VCAN: variants seen among roughly 807,000 people sequenced by gnomAD.
VCAN encodes the protein versican, also known as versican core protein.
A neutral mutation model predicts 245.5 loss-of-function variants in VCAN; 44 were observed. The ratio of observed to expected loss-of-function variants is 0.18; its 90% CI spans 0.14 to 0.23. The LOEUF is 0.23. Among genes scored for constraint, VCAN ranks in the 10% least tolerant of loss-of-function variants. The pLI is 1.00. For missense variants in VCAN, 3,793 were observed against 4,057.9 expected, an observed-to-expected ratio of 0.93 and a Z score of 1.77; for synonymous variants, 1,413 against 1,437.0, an observed-to-expected ratio of 0.98 and a Z score of 0.38.
At chr5:83,516,567 T>C (rs160382) in intron 6 of VCAN, among the ~76,000 whole-genome samples, 112 of 152,350 alleles carry the variant, frequency 7.4e-4, no homozygotes, top group African/African-American at 2.4e-3. Flanking sequence ...AGTACAGTGA[T>C]GTGAAACATC....
At position 83,542,105 on chromosome 5, in the gene VCAN, A is replaced by G; in HGVS notation, c.9102A>G (p.Ala3034=). The change falls in exon 8 of 15, where the codon GCA becomes GCG. Residue 3034 remains alanine (A), a synonymous_variant. Coordinates refer to ENST00000265077, the MANE Select transcript of VCAN (RefSeq NM_004385.5). ...TAGCAGCATCAGAACAGCAAGTGGC[A>G]GCGAGAATTCTTGATTCCAATGATC... The part of the protein sequence containing the change: ...STIAASEQQV[A]ARILDSNDQA... 1 of 1,614,122 alleles carries G rather than the reference A, an allele frequency of 6.2e-7. No individual in the cohort carries two copies. Among genetic ancestry groups the G allele is most frequent in the South Asian group, 1.1e-5 (1 of 91,090 alleles).
chr5:83,486,424 A>C (rs1313880593), intron 2 of VCAN, among the ~76,000 whole-genome samples: 1 of 152,218 alleles, frequency 6.6e-6, no homozygotes, highest in Non-Finnish European at 1.5e-5. Context: ...TTGGATCATG[A>C]AGACATGCTA....
chr5:83,549,738 A>G (rs1452755621), intron 10 of VCAN, among the ~76,000 whole-genome samples: 1 of 152,176 alleles, frequency 6.6e-6, no homozygotes, highest in Admixed American at 6.5e-5. Flanking sequence ...TGTATTTTCA[A>G]GCAAGTTTGA....
rs764898262 is a variant in VCAN at position 83,520,437 on chromosome 5, C to T, written c.2131C>T (p.Pro711Ser). 15 of 1,613,736 alleles carry T rather than the reference C, an allele frequency of 9.3e-6. No individual in the cohort carries two copies. Among genetic ancestry groups the T allele is most frequent in the Non-Finnish European group, 1.3e-5 (15 of 1,179,954 alleles). ...DEIQEEITKS[P>S]FMGKTEEEVF... is the part of the protein sequence containing the mutation. ...AATACAAGAAGAGATCACTAAAAGT[C>T]CATTTATGGGAAAAACAGAAGAAGA... Residue 711 changes from proline to serine, a missense_variant, in exon 7 of 15, where the codon CCA becomes TCA. This residue lies in a region of VCAN where 3,182 missense variants were observed against 3,250.3 expected (regional missense o/e 0.98). Coordinates refer to ENST00000265077, the MANE Select transcript of VCAN (RefSeq NM_004385.5).
chr5:83,517,922 A>C (rs1745918638), intron 6 of VCAN, among the ~76,000 whole-genome samples: 1 of 152,118 alleles, frequency 6.6e-6, no homozygotes, highest in African/African-American at 2.4e-5. Context: ...AAAATAAGGA[A>C]CCTGTTACAG....
intron 3 of VCAN, 128 bp downstream of exon 3, chr5:83,490,600 T>C (rs1017439166): frequency 3.6e-6 from 5 of 1,377,194 alleles, no homozygotes; most frequent in Non-Finnish European, 5.0e-6. Flanking sequence ...GTCAATCCAG[T>C]AGTCCACGTC....
intron 7 of VCAN, among the ~76,000 whole-genome samples, chr5:83,526,624 A>G (rs771671005): frequency 1.3e-5 from 2 of 152,250 alleles, no homozygotes; most frequent in Non-Finnish European, 2.9e-5. Context: ...TAAGTTCTTA[A>G]AAGTAAAAAT....
In VCAN at chr5:83,519,539, A is replaced by G; in HGVS notation, c.1233A>G (p.Gln411=). Residue 411 remains glutamine, a synonymous_variant, in exon 7 of 15, where the codon CAA becomes CAG. Transcript: ENST00000265077. ...IVSFEQKATV[Q]PQAITDSLAT... is the part of the protein sequence containing the mutation. ...GTTTTGAACAGAAAGCCACAGTCCA[A>G]CCTCAGGCTATCACAGATAGTTTAG... 1 of 1,614,074 alleles carries G rather than the reference A, an allele frequency of 6.2e-7. No homozygotes were observed. The highest frequency in any genetic ancestry group is 8.5e-7 in the Non-Finnish European group (1 of 1,179,966).
At chr5:83,512,030 C>T in intron 5 of VCAN, 73 bp from the exon 6 acceptor site, 1 of 1,597,830 alleles carries the variant, frequency 6.3e-7, no homozygotes, top group Non-Finnish European at 8.5e-7. Flanking sequence ...AATTCCTTCC[C>T]CACCATATTT....
chr5:83,510,304 C>A (rs1580617701), intron 5 of VCAN, among the ~76,000 whole-genome samples: 1 of 152,194 alleles, frequency 6.6e-6, no homozygotes, highest in Admixed American at 6.5e-5. Flanking sequence ...TGTGCTTTGG[C>A]CATTTTCCCC....
At chr5:83,490,072 A>G (rs779775406) in intron 2 of VCAN, 26 bp from the exon 3 acceptor site, 12 of 1,612,656 alleles carry the variant, frequency 7.4e-6, no homozygotes, top group Non-Finnish European at 1.0e-5. Flanking sequence ...TAAGATTGTT[A>G]ATTTGTTATT....
At chr5:83,564,986 G>A (rs1748019543) in intron 12 of VCAN, among the ~76,000 whole-genome samples, 1 of 152,150 alleles carries the variant, frequency 6.6e-6, no homozygotes, top group Admixed American at 6.5e-5. Context: ...CTGCACCTAA[G>A]CTGAAAAATT....
chr5:83,541,881 A>T lies in VCAN; in HGVS notation c.8878A>T (p.Ile2960Phe). Residue 2960 changes from isoleucine to phenylalanine, a missense_variant, in exon 8 of 15, where the codon ATT (isoleucine) becomes TTT (phenylalanine). Transcript: ENST00000265077. ...TIKTPEAGTV[I>F]TTADEIELEG... ...TAAAACACCTGAGGCTGGAACTGTT[A>T]TTACAACTGCCGATGAAATTGAATT... 1 of 1,614,102 alleles carries T rather than the reference A, an allele frequency of 6.2e-7. No homozygotes were observed. Among genetic ancestry groups the T allele is most frequent in the Non-Finnish European group, 8.5e-7 (1 of 1,180,002 alleles).
chr5:83,567,957 G>GTTTCTT lies in VCAN; in HGVS notation c.9736-4458_9736-4457insTTCTTT, dbSNP rs1748147869. On this transcript the variant is annotated intron_variant, in intron 12 of 14. Transcript: ENST00000265077. Reference sequence around the variant, plus strand: ...AAAAATAAAGAAATCCAAATGGGAGGTACTGAGTTTTTCCCTGCTAATTCC... The same window carrying GTTTCTT: ...AAAAATAAAGAAATCCAAATGGGAGGTTTCTTTACTGAGTTTTTCCCTGCTAATTCC... Among the ~76,000 whole-genome samples the GTTTCTT allele has an allele frequency of 2.6e-5, 4 of 152,102 alleles. No homozygotes were observed. The South Asian group carries it at 8.3e-4, about 32-fold the overall frequency.
intron 6 of VCAN, among the ~76,000 whole-genome samples, chr5:83,515,666 T>C (rs1290743805): frequency 6.6e-6 from 1 of 152,232 alleles, no homozygotes; most frequent in African/African-American, 2.4e-5. Context: ...CATTCCTCTA[T>C]TTATGCTTAA....
At position 83,580,595 on chromosome 5, in the gene VCAN, G is replaced by C; in HGVS notation, c.*161G>C. ...TGCTCCCAAAACATTTTAAATGAAA[G>C]TATTGGCATTCAAAAAGACAGCAGA... On this transcript the variant is annotated 3_prime_UTR_variant, in exon 15 of 15. Transcript: ENST00000265077. 3 of 1,032,384 alleles carry C rather than the reference G, an allele frequency of 2.9e-6. No homozygotes were observed. Among genetic ancestry groups the C allele is most frequent in the Non-Finnish European group, 2.9e-6 (2 of 691,708 alleles). 64.0% of individuals were successfully genotyped at this position (1,032,384 alleles called of 1,614,324 possible).
intron 1 of VCAN, among the ~76,000 whole-genome samples, chr5:83,481,521 A>T (rs1744615184): frequency 6.6e-6 from 1 of 152,176 alleles, no homozygotes; most frequent in Non-Finnish European, 1.5e-5. Context: ...TCTTATAAGA[A>T]ATCCAGAAAC....
In VCAN at chr5:83,540,250, C is replaced by T. The variant is rs1441191636; in HGVS notation, c.7247C>T (p.Thr2416Ile). Residue 2416 changes from threonine (T) to isoleucine (I), a missense_variant, in exon 8 of 15, where the codon ACA becomes ATA. Physicochemically the swap from Thr to Ile is moderately conservative, Grantham distance 89 (BLOSUM62 -1). Around this residue, in one of 5 missense-constraint regions of VCAN, gnomAD observed 3,182 missense variants for 3,250.3 expected, o/e 0.98. Transcript: ENST00000265077. ...YGFEMAKEFV[T>I]SAPKPSDLYY... The stretch of plus-strand genomic sequence containing the variant: ...TTTGAAATGGCCAAAGAATTTGTTA[C>T]ATCAGCACCAAAACCATCTGACTTG... 3 of 1,613,972 alleles carry T rather than the reference C, an allele frequency of 1.9e-6. No individual in the cohort carries two copies. Among genetic ancestry groups the T allele is most frequent in the Non-Finnish European group, 2.5e-6 (3 of 1,179,996 alleles).
At chr5:83,489,657 A>G (rs1246599329) in intron 2 of VCAN, among the ~76,000 whole-genome samples, 1 of 152,150 alleles carries the variant, frequency 6.6e-6, no homozygotes, top group Non-Finnish European at 1.5e-5. Context: ...GTAATGTGGC[A>G]GTTATTGTAA....
Sources: allele counts gnomAD v4.1 joint callset (sites outside exome capture counted in the v4.1 genomes callset), GRCh38; gene constraint gnomAD v4.1.1; regional missense constraint gnomAD v4.1.1; transcripts MANE v1.5; gene names NCBI Gene and HGNC (gene_info 2026-07-23, HGNC 2026-07-21).